ENTPD4: variants seen among roughly 807,000 people sequenced by gnomAD.
The protein encoded by ENTPD4 is Golgi UDPase.
A neutral mutation model predicts 79.1 loss-of-function variants in ENTPD4; 60 were observed. The ratio of observed to expected loss-of-function variants is 0.76; its 90% CI spans 0.62 to 0.94. The LOEUF (loss-of-function observed/expected upper bound fraction) is 0.94. Among genes scored for constraint, ENTPD4 ranks in the 40% least tolerant of loss-of-function variants. The pLI, the probability that ENTPD4 is intolerant of heterozygous loss-of-function variation, is 0.00. For synonymous variants in ENTPD4, 276 were observed against 292.0 expected (o/e 0.95, Z 0.56); for missense variants, 772 against 775.1 (o/e 1.00, Z 0.05).
intron 6 of ENTPD4, 90 bp downstream of exon 6, chr8:23,443,760 T>G (rs986279397): frequency 5.7e-6 from 4 of 707,228 alleles, no homozygotes; most frequent in Non-Finnish European, 7.5e-6. Flanking sequence ...GTTAAGACAA[T>G]AGGAGTATAA....
At chr8:23,439,688 G>A in intron 9 of ENTPD4, 61 bp downstream of exon 9, 1 of 1,543,066 alleles carries the variant, frequency 6.5e-7, no homozygotes. Flanking sequence ...GCCTGGGTCT[G>A]TTTTTTATGA....
intron 1 of ENTPD4, among the ~76,000 whole-genome samples, chr8:23,457,298 G>A (rs533745466): frequency 6.2e-5 from 9 of 146,072 alleles, no homozygotes; most frequent in East Asian, 3.9e-4. Context: ...GCGACCGCCA[G>A]GTGTCCCCTG....
intron 4 of ENTPD4, 60 bp from the exon 5 acceptor site, chr8:23,444,666 T>A (rs1000817934): frequency 6.8e-7 from 1 of 1,478,692 alleles, no homozygotes; most frequent in South Asian, 1.2e-5. Flanking sequence ...ATGTGATGTT[T>A]CTTCAGAGTG....
At chr8:23,441,817 C>T (rs1305806568) in intron 7 of ENTPD4, 94 bp from the exon 8 acceptor site, 4 of 1,411,912 alleles carry the variant, frequency 2.8e-6, no homozygotes, top group Non-Finnish European at 2.9e-6. Context: ...CTATTTCAAG[C>T]ATATTCAGGC....
Position 23,430,369 on chromosome 8 carries a change from CA to C in ENTPD4, c.*2556del. 1.0e-6 allele frequency: 1 copy of C among 985,416 alleles called. No individual in the cohort carries two copies. The highest frequency in any genetic ancestry group is 1.7e-5 in the African/African-American group (1 of 57,354). 61.0% of individuals were successfully genotyped at this position (985,416 alleles called of 1,614,324 possible). Reference sequence around the variant, plus strand: ...AATCCGAAGTGAAATTCTGGTGCAACAAATATTTTAAGATTGAAGTTTGGTT... The same window carrying C: ...AATCCGAAGTGAAATTCTGGTGCAACAATATTTTAAGATTGAAGTTTGGTT... On this transcript the variant is annotated 3_prime_UTR_variant, in exon 13 of 13. Transcript: ENST00000358689.
At chr8:23,435,247 G>A in intron 11 of ENTPD4, 145 bp downstream of exon 11, 1 of 617,260 alleles carries the variant, frequency 1.6e-6, no homozygotes, top group South Asian at 2.0e-5. Flanking sequence ...ACAAGTATTT[G>A]TCCCGTTTGA....
intron 2 of ENTPD4, among the ~76,000 whole-genome samples, chr8:23,449,409 T>C (rs577745774): frequency 5.9e-5 from 9 of 152,214 alleles, no homozygotes; most frequent in African/African-American, 2.2e-4. Context: ...AATATACAAA[T>C]AGCTCAGGAG....
At position 23,432,076 on chromosome 8, in the gene ENTPD4, G is replaced by A; in HGVS notation, c.*850C>T. The A allele has an allele frequency of 1.0e-6, 1 of 985,150 alleles. No homozygotes were observed. The highest frequency in any genetic ancestry group is 1.2e-6 in the Non-Finnish European group (1 of 829,852). 61.0% of individuals were successfully genotyped at this position (985,150 alleles called of 1,614,324 possible). On this transcript the variant is annotated 3_prime_UTR_variant, in exon 13 of 13. Transcript: ENST00000358689. ...TCACTTTTATAAATGGTTATCTCCT[G>A]GTGCCCATGTTTCTCTGTTTTGGAT...
chr8:23,444,184 T>C (rs1485124886), intron 5 of ENTPD4, among the ~76,000 whole-genome samples: 1 of 152,250 alleles, frequency 6.6e-6, no homozygotes, highest in Non-Finnish European at 1.5e-5. Flanking sequence ...AAACTACAAC[T>C]GCAAGCATTC....
chr8:23,444,639 G>A (rs958593988), intron 4 of ENTPD4, 33 bp from the exon 5 acceptor site: 7 of 1,601,530 alleles, frequency 4.4e-6, no homozygotes, highest in Non-Finnish European at 5.1e-6. Context: ...TTAAGAAGCA[G>A]ATATTTTAGC....
At position 23,445,720 on chromosome 8, in the gene ENTPD4, T is replaced by G. The variant is rs753161927; in HGVS notation, c.413-1114A>C. On this transcript the variant is annotated intron_variant, in intron 4 of 12. Transcript: ENST00000358689. Reference sequence around the variant, plus strand: ...TTACACCATATCAAAATTACCTATTTACTTGCCTGTCTCATTACAACTAAA... The same window carrying G: ...TTACACCATATCAAAATTACCTATTGACTTGCCTGTCTCATTACAACTAAA... 1.8e-4 allele frequency among the ~76,000 whole-genome samples: 28 copies of G among 152,356 alleles called. 1 individual carries two copies. Among genetic ancestry groups the G allele is most frequent in the South Asian group, 8.3e-4 (4 of 4,834 alleles).
rs200546697 is a variant in ENTPD4, at chr8:23,437,122, G to C, written c.1186C>G (p.Arg396Gly). ...TTCATGAAAGGCTGGATAGTCTCTC[G>C]ACACAGGTCAAAGTCTCCAGTCCCT... Reference protein sequence around the residue: ...LRGTGDFDLCRETIQPFMNKT... With the variant: ...LRGTGDFDLCGETIQPFMNKT... The change falls in exon 10 of 13, where the codon CGA (arginine) becomes GGA (glycine). Residue 396 changes from arginine to glycine, a missense_variant. Coordinates refer to ENST00000358689, the MANE Select transcript of ENTPD4 (RefSeq NM_004901.5). 58 of 1,614,182 alleles carry C rather than the reference G, an allele frequency of 3.6e-5. 1 individual carries two copies. In the East Asian group the frequency reaches 1.2e-3, roughly 33 times the overall value.
At chr8:23,441,843 C>A in intron 7 of ENTPD4, 120 bp from the exon 8 acceptor site, 1 of 1,239,510 alleles carries the variant, frequency 8.1e-7, no homozygotes. Context: ...CAGTCTACTC[C>A]TCCCAACTAA....
intron 12 of ENTPD4, 187 bp downstream of exon 12, chr8:23,434,130 G>T: frequency 1.5e-6 from 1 of 662,462 alleles, no homozygotes; most frequent in Non-Finnish European, 2.6e-6. Flanking sequence ...GGGATGGTAG[G>T]GTGAGAAGGG....
At chr8:23,445,539 G>C (rs1168024425) in intron 4 of ENTPD4, among the ~76,000 whole-genome samples, 1 of 152,052 alleles carries the variant, frequency 6.6e-6, no homozygotes, top group African/African-American at 2.4e-5. Flanking sequence ...CCACCACCAA[G>C]AAGAGTCTTC....
chr8:23,430,307 G>GAGTAT lies in ENTPD4; in HGVS notation c.*2618_*2619insATACT. 2.0e-6 allele frequency: 2 copies of GAGTAT among 985,398 alleles called. No individual in the cohort carries two copies. Among genetic ancestry groups the GAGTAT allele is most frequent in the Non-Finnish European group, 2.4e-6 (2 of 829,912 alleles). The allele number at this position is 985,398 out of a possible 1,614,324, so 61.0% of individuals were successfully genotyped here. On this transcript the variant is annotated 3_prime_UTR_variant, in exon 13 of 13. Transcript: ENST00000358689. ...GGGTGAGGGGCAGGTTTCTTGGTTT[G>GAGTAT]TTTCAAAACTCATCTTGAAAATAAT...
chr8:23,444,042 C>A, intron 5 of ENTPD4, 89 bp from the exon 6 acceptor site: 1 of 849,726 alleles, frequency 1.2e-6, no homozygotes, highest in South Asian at 1.7e-5. Flanking sequence ...AAACAAAAAA[C>A]AAAACCAGGG....
chr8:23,438,442 C>T (rs1163979574), intron 9 of ENTPD4, among the ~76,000 whole-genome samples: 1 of 152,078 alleles, frequency 6.6e-6, no homozygotes, highest in African/African-American at 2.4e-5. Context: ...CTACAAATGG[C>T]GAAGAGATAA....
chr8:23,454,738 T>G (rs375313810), intron 1 of ENTPD4, among the ~76,000 whole-genome samples: 1 of 152,150 alleles, frequency 6.6e-6, no homozygotes, highest in African/African-American at 2.4e-5. Context: ...TATGTGATGA[T>G]TTTGATCAAA....
Sources: allele counts gnomAD v4.1 joint callset (sites outside exome capture counted in the v4.1 genomes callset), GRCh38; gene constraint gnomAD v4.1.1; transcripts MANE v1.5; gene names NCBI Gene and HGNC (gene_info 2026-07-23, HGNC 2026-07-21).